The following PYY variants were observed in gnomAD, a reference collection of about 807,000 sequenced individuals.
The protein encoded by PYY is peptide tyrosine tyrosine.
Under a neutral mutation model 10.3 loss-of-function variants are expected in PYY, and 12 were observed. The observed-to-expected ratio is 1.17, with a 90% confidence interval of 0.75 to 1.89. The LOEUF is 1.89. PYY is among the 40% of genes most tolerant of loss of function. The pLI, the probability that PYY is intolerant of heterozygous loss-of-function variation, is 0.00. For missense variants in PYY, 141 were observed against 134.0 expected, an observed-to-expected ratio of 1.05 and a Z score of -0.26; for synonymous variants, 66 against 62.0, an observed-to-expected ratio of 1.06 and a Z score of -0.30.
intron 1 of PYY, 42 bp downstream of exon 1, chr17:43,953,808 A>C: frequency 1.4e-5 from 3 of 215,920 alleles, no homozygotes; most frequent in Non-Finnish European, 1.8e-5. Context: ...TTCCCCACAA[A>C]ACAGCCTGGG....
chr17:43,979,742 T>TG (rs1211284939), intron 1 of PYY, among the ~76,000 whole-genome samples: 2 of 85,428 alleles, frequency 2.3e-5, no homozygotes, highest in Non-Finnish European at 4.8e-5. Context: ...AGACCAGCGG[T>TG]GGGGGGAGAA....
At chr17:43,967,323 A>C (rs2048761448) in intron 1 of PYY, among the ~76,000 whole-genome samples, 1 of 152,048 alleles carries the variant, frequency 6.6e-6, no homozygotes, top group Non-Finnish European at 1.5e-5. Context: ...AAGAAGAAGA[A>C]AGCAATTCCC....
At chr17:43,973,664 G>A (rs1055120366) in intron 1 of PYY, among the ~76,000 whole-genome samples, 2 of 152,032 alleles carry the variant, frequency 1.3e-5, no homozygotes, top group African/African-American at 2.4e-5. Context: ...GCATGGTGGC[G>A]GCCACCTGTA....
At chr17:43,978,406 A>G (rs1325300630) in intron 1 of PYY, among the ~76,000 whole-genome samples, 3 of 151,624 alleles carry the variant, frequency 2.0e-5, no homozygotes, top group African/African-American at 2.4e-5. Context: ...CTGTAACCCC[A>G]GCACTTTGGG....
rs983174565 is a variant in PYY at position 43,952,779 on chromosome 17, C to G, written c.*177G>C. ...TCTTTATTTTGGGACCAGGGAAGGA[C>G]CACACACAGCCCTCCAGCCCAGGGG... is the stretch of plus-strand genomic sequence containing the variant. On this transcript the variant is annotated 3_prime_UTR_variant, in exon 4 of 4. Transcript: ENST00000692052. 3.3e-6 allele frequency: 2 copies of G among 600,000 alleles called. No individual in the cohort carries two copies. The highest frequency in any genetic ancestry group is 1.9e-5 in the African/African-American group (1 of 52,454). The allele number at this position is 600,000 out of a possible 1,614,324, so 37.2% of individuals were successfully genotyped here.
chr17:43,990,259 G>A (rs2048947679), intron 1 of PYY, among the ~76,000 whole-genome samples: 1 of 151,680 alleles, frequency 6.6e-6, no homozygotes, highest in African/African-American at 2.4e-5. Context: ...CCAACATGGT[G>A]AAACCCTGTC....
At chr17:43,974,613 A>G (rs2048816540) in intron 1 of PYY, among the ~76,000 whole-genome samples, 2 of 152,184 alleles carry the variant, frequency 1.3e-5, no homozygotes, top group South Asian at 4.1e-4. Flanking sequence ...GACTGTTGCC[A>G]GCTCAATGTA....
At chr17:43,976,218 T>C (rs1473612366) in intron 1 of PYY, among the ~76,000 whole-genome samples, 5 of 142,558 alleles carry the variant, frequency 3.5e-5, no homozygotes, top group African/African-American at 1.4e-4. Context: ...TACGTATATG[T>C]ATACATATAT....
rs76694374 is a variant in PYY at position 43,989,901 on chromosome 17, C to A, written c.-463+14490G>T. Among the ~76,000 whole-genome samples, 22 of 12,466 alleles carry A rather than the reference C, an allele frequency of 1.8e-3. 2 individuals are homozygous for A. Among genetic ancestry groups the A allele is most frequent in the Non-Finnish European group, 2.0e-3 (11 of 5,442 alleles). The allele number at this position is 12,466 out of a possible 152,430, so 8.2% of individuals were successfully genotyped here. ...ATATATATATATATATATATATATA[C>A]ACACAAATCTATAAGTAAGACATTA... On this transcript the variant is annotated intron_variant, in intron 1 of 6. Coordinates refer to the PYY transcript ENST00000360085.
intron 1 of PYY, among the ~76,000 whole-genome samples, chr17:43,999,868 C>T (rs2049014694): frequency 6.6e-6 from 1 of 152,014 alleles, no homozygotes; most frequent in Non-Finnish European, 1.5e-5. Flanking sequence ...GGAAGACTTC[C>T]TGGAGCAATG....
intron 1 of PYY, among the ~76,000 whole-genome samples, chr17:43,998,912 A>G (rs1043087307): frequency 1.3e-5 from 2 of 152,198 alleles, no homozygotes; most frequent in African/African-American, 4.8e-5. Context: ...TCGAGTAGGT[A>G]GTTAGAGACA....
chr17:43,976,186 T>C (rs1189493093), intron 1 of PYY, among the ~76,000 whole-genome samples: 2 of 136,878 alleles, frequency 1.5e-5, no homozygotes, highest in African/African-American at 3.2e-5. Flanking sequence ...TATATATACG[T>C]ATATGTATAC....
chr17:43,969,310 G>A (rs1370953162), intron 1 of PYY, among the ~76,000 whole-genome samples: 1 of 151,928 alleles, frequency 6.6e-6, no homozygotes, highest in Non-Finnish European at 1.5e-5. Flanking sequence ...GAGGTCAGGA[G>A]TTCTAGACCA....
intron 2 of PYY, among the ~76,000 whole-genome samples, chr17:43,959,905 C>G (rs895379771): frequency 2.6e-5 from 4 of 152,166 alleles, no homozygotes; most frequent in African/African-American, 9.7e-5. Context: ...GGTATGGATT[C>G]AGGGAGAAAC....
At chr17:44,002,779 T>C (rs529778519) in intron 1 of PYY, among the ~76,000 whole-genome samples, 2 of 152,272 alleles carry the variant, frequency 1.3e-5, no homozygotes, top group South Asian at 4.1e-4. Context: ...ATAATGATAA[T>C]AGCTATCCTG....
At chr17:43,979,089 A>C (rs969458163) in intron 1 of PYY, among the ~76,000 whole-genome samples, 3 of 152,212 alleles carry the variant, frequency 2.0e-5, no homozygotes, top group Non-Finnish European at 2.9e-5. Flanking sequence ...CTGAACCACC[A>C]AAAGGCCTCT....
upstream of PYY, among the ~76,000 whole-genome samples, chr17:43,955,103 G>A (rs2048663391): frequency 6.6e-6 from 1 of 152,188 alleles, no homozygotes; most frequent in Admixed American, 6.5e-5. Flanking sequence ...CTGGGAGCAG[G>A]GACCCGAAGA....
upstream of PYY, among the ~76,000 whole-genome samples, chr17:43,956,732 A>G (rs1421431665): frequency 1.3e-5 from 2 of 152,130 alleles, no homozygotes; most frequent in African/African-American, 4.8e-5. Flanking sequence ...GGCCTCTGCC[A>G]TTCATCCCCA....
intron 1 of PYY, among the ~76,000 whole-genome samples, chr17:43,994,229 AG>A (rs988911607): frequency 6.6e-6 from 1 of 152,044 alleles, no homozygotes; most frequent in African/African-American, 2.4e-5. Context: ...TCCCACTGCC[AG>A]GCCCCCCTCT....
Sources: gnomAD v4.1 joint callset for allele counts (sites outside exome capture counted in the v4.1 genomes callset) on GRCh38, gnomAD v4.1.1 for gene constraint, MANE v1.5 for transcripts, NCBI Gene and HGNC (gene_info 2026-07-23, HGNC 2026-07-21) for gene names.